Variants in KCNG3 observed in about 807,000 individuals in gnomAD.
KCNG3 encodes the protein voltage-gated potassium channel regulatory subunit KCNG3.
Under a neutral mutation model 29.0 loss-of-function variants are expected in KCNG3, and 15 were observed. That is an observed-to-expected ratio of 0.52 (90% CI 0.35 to 0.80). The LOEUF (loss-of-function observed/expected upper bound fraction) is 0.80. Among genes scored for constraint, KCNG3 ranks in the 30% least tolerant of loss-of-function variants. KCNG3 has a pLI of 0.01. For missense variants in KCNG3, 512 were observed against 605.7 expected (o/e 0.85, Z 1.62); for synonymous variants, 322 against 248.9 (o/e 1.29, Z -2.76).
chr2:42,448,124 C>G (rs1672649729), intron 1 of KCNG3, among the ~76,000 whole-genome samples: 1 of 152,170 alleles, frequency 6.6e-6, no homozygotes, highest in Admixed American at 6.5e-5. Context: ...CATCTTTGCA[C>G]ATGTTTAACG....
chr2:42,391,804 G>A, the KCNG3 span, among the ~76,000 whole-genome samples: 18 of 150,878 alleles, frequency 1.2e-4, no homozygotes, highest in East Asian at 3.9e-4. Context: ...GGGTTTCACC[G>A]TTTTAGCCGG....
At chr2:42,408,471 T>A in the KCNG3 span, among the ~76,000 whole-genome samples, 1 of 152,084 alleles carries the variant, frequency 6.6e-6, no homozygotes, top group Non-Finnish European at 1.5e-5. Context: ...AGAGAGGAGC[T>A]ACCCACTCCA....
the KCNG3 span, among the ~76,000 whole-genome samples, chr2:42,434,081 T>C: frequency 2.0e-5 from 3 of 152,172 alleles, no homozygotes; most frequent in Non-Finnish European, 4.4e-5. Context: ...TATCTACAGA[T>C]TCAATGTATT....
At chr2:42,425,244 A>G in the KCNG3 span, among the ~76,000 whole-genome samples, 1 of 151,732 alleles carries the variant, frequency 6.6e-6, no homozygotes, top group African/African-American at 2.4e-5. Context: ...CTAAAAAAAA[A>G]AAAAAAATTA....
chr2:42,465,662 TAA>T (rs1353140559), intron 1 of KCNG3, among the ~76,000 whole-genome samples: 2 of 152,134 alleles, frequency 1.3e-5, no homozygotes, highest in Non-Finnish European at 2.9e-5. Flanking sequence ...TTTAGTATAG[TAA>T]AAGACACCAC....
At chr2:42,450,280 T>C (rs1298212371) in intron 1 of KCNG3, among the ~76,000 whole-genome samples, 1 of 152,192 alleles carries the variant, frequency 6.6e-6, no homozygotes, top group African/African-American at 2.4e-5. Context: ...TTAGGTCAGA[T>C]GCAGTTTATT....
chr2:42,493,538 C>A lies in KCNG3; in HGVS notation c.-37G>T. The A allele has an allele frequency of 7.5e-7, 1 of 1,329,358 alleles. No homozygotes were observed. The allele number at this position is 1,329,358 out of a possible 1,614,324, so 82.3% of individuals were successfully genotyped here. A position where few individuals can be genotyped will look rare whatever the true frequency, so the allele number is the denominator to read the frequency against. ...CGGGGGACTTTCGGCCCGAGGGCCCCGCTGCAGCCCCCCACCCCAAGCCGC... is the reference window on the plus strand; with the variant it reads ...CGGGGGACTTTCGGCCCGAGGGCCCAGCTGCAGCCCCCCACCCCAAGCCGC... On this transcript the variant is annotated 5_prime_UTR_variant, in exon 1 of 2. Coordinates refer to ENST00000306078, the MANE Select transcript of KCNG3 (RefSeq NM_133329.6).
At position 42,493,723 on chromosome 2, in the gene KCNG3, G is replaced by A. The variant is rs1673987893; in HGVS notation, c.-222C>T. ...GCCCTCCGCCCGGCGGTACCTGCGGGTGGCCGGGGAGTCCTCGCCGGCGCC... is the reference window on the plus strand; with the variant it reads ...GCCCTCCGCCCGGCGGTACCTGCGGATGGCCGGGGAGTCCTCGCCGGCGCC... On this transcript the variant is annotated 5_prime_UTR_variant, in exon 1 of 2. Coordinates refer to ENST00000306078, the MANE Select transcript of KCNG3 (RefSeq NM_133329.6). 5.7e-6 allele frequency: 2 copies of A among 353,106 alleles called. No homozygotes were observed. The highest frequency in any genetic ancestry group is 1.0e-5 in the Non-Finnish European group (2 of 199,668). The allele number at this position is 353,106 out of a possible 1,614,324, so 21.9% of individuals were successfully genotyped here. A position where few individuals can be genotyped will look rare whatever the true frequency, so the allele number is the denominator to read the frequency against.
At chr2:42,458,771 A>T (rs1372736449) in intron 1 of KCNG3, among the ~76,000 whole-genome samples, 1 of 149,970 alleles carries the variant, frequency 6.7e-6, no homozygotes, top group Non-Finnish European at 1.5e-5. Flanking sequence ...CTCAGAAAGA[A>T]GCAACATAGG....
At chr2:42,471,571 T>C (rs188612045) in intron 1 of KCNG3, among the ~76,000 whole-genome samples, 222 of 152,296 alleles carry the variant, frequency 1.5e-3, no homozygotes, top group African/African-American at 5.1e-3. Context: ...GTGATGATAG[T>C]TGTACAATGT....
At chr2:42,456,742 T>C (rs1386127747) in intron 1 of KCNG3, among the ~76,000 whole-genome samples, 3 of 152,210 alleles carry the variant, frequency 2.0e-5, no homozygotes, top group African/African-American at 4.8e-5. Context: ...GTTACCTTCT[T>C]ACTCCAAGCC....
the KCNG3 span, among the ~76,000 whole-genome samples, chr2:42,435,717 G>A: frequency 5.3e-5 from 8 of 152,224 alleles, no homozygotes; most frequent in South Asian, 1.2e-3. Flanking sequence ...CCACTGTGAC[G>A]GCTATTATTT....
the KCNG3 span, among the ~76,000 whole-genome samples, chr2:42,389,588 C>T: frequency 6.6e-6 from 1 of 152,182 alleles, no homozygotes; most frequent in Non-Finnish European, 1.5e-5. Context: ...ATATTTGTAT[C>T]TACAGAAAAG....
chr2:42,393,988 C>T, the KCNG3 span, among the ~76,000 whole-genome samples: 3 of 152,216 alleles, frequency 2.0e-5, no homozygotes, highest in African/African-American at 2.4e-5. Flanking sequence ...ATCATGTTGG[C>T]CAGACTGGTC....
chr2:42,466,309 G>A (rs1304183032), intron 1 of KCNG3, among the ~76,000 whole-genome samples: 1 of 152,186 alleles, frequency 6.6e-6, no homozygotes, highest in Non-Finnish European at 1.5e-5. Flanking sequence ...GGGAGGCTGA[G>A]GCAGGAGAAT....
At chr2:42,483,184 C>T (rs1673634876) in intron 1 of KCNG3, among the ~76,000 whole-genome samples, 1 of 151,812 alleles carries the variant, frequency 6.6e-6, no homozygotes, top group Non-Finnish European at 1.5e-5. Flanking sequence ...CAGATGTTTG[C>T]TATTAAATGT....
intron 1 of KCNG3, among the ~76,000 whole-genome samples, chr2:42,482,135 T>C (rs568215672): frequency 3.3e-5 from 5 of 152,332 alleles, no homozygotes; most frequent in East Asian, 3.9e-4. Context: ...TAGGTGGTCA[T>C]TGAAAGCAAG....
Position 42,450,346 on chromosome 2 carries a change from C to T in KCNG3, c.666-5767G>A, listed in dbSNP as rs558048507. Among the ~76,000 whole-genome samples, 6 of 152,268 alleles carry T rather than the reference C, an allele frequency of 3.9e-5. No homozygotes were observed. In the South Asian group the frequency reaches 1.2e-3, roughly 32 times the overall value. ...GAGAAACCCCAGGCATCATTTTCAC[C>T]TTCAATTATGCCAAGGCAGTCTCTA... On this transcript the variant is annotated intron_variant, in intron 1 of 1. Transcript: ENST00000306078.
chr2:42,456,720 A>G (rs1380420681), intron 1 of KCNG3, among the ~76,000 whole-genome samples: 1 of 152,198 alleles, frequency 6.6e-6, no homozygotes, highest in Non-Finnish European at 1.5e-5. Flanking sequence ...CAGGAGTGCC[A>G]CAAAAGGAAA....
Sources: gnomAD v4.1 joint callset for allele counts (sites outside exome capture counted in the v4.1 genomes callset) on GRCh38, gnomAD v4.1.1 for gene constraint, MANE v1.5 for transcripts, NCBI Gene and HGNC (gene_info 2026-07-23, HGNC 2026-07-21) for gene names.